POU6F2: variants seen among roughly 807,000 people sequenced by gnomAD.
POU6F2 encodes the protein POU domain, class 6, transcription factor 2.
In POU6F2, 31 loss-of-function variants were observed where a neutral mutation model predicts 71.3. The observed-to-expected ratio is 0.43, with a 90% CI of 0.33 to 0.59. The LOEUF is 0.59. POU6F2 is among the 20% of genes least tolerant of loss of function. The pLI is 0.04. For synonymous variants in POU6F2, 347 were observed against 355.7 expected (o/e 0.98, Z 0.27); for missense variants, 783 against 856.8 (o/e 0.91, Z 1.07).
In POU6F2 at chr7:39,209,819, A is replaced by G. The variant is rs1486449101; in HGVS notation, c.598+2199A>G. Among the ~76,000 whole-genome samples the G allele has an allele frequency of 2.6e-5, 4 of 152,216 alleles. No homozygotes were observed. The South Asian group carries it at 6.2e-4, about 24-fold the overall frequency. ...TGTGGAGCTTTCCAGGTTATGTTGC[A>G]GAAGCAGTGGGACTCGGGATGGTGA... On this transcript the variant is annotated intron_variant, in intron 4 of 9. Transcript: ENST00000518318.
intron 1 of POU6F2, among the ~76,000 whole-genome samples, chr7:39,045,384 TA>T (rs752848279): frequency 4.6e-5 from 7 of 151,872 alleles, no homozygotes; most frequent in African/African-American, 7.3e-5. Context: ...CAGCAAGTTA[TA>T]GCTCTTTATG....
chr7:39,327,486 G>A lies in POU6F2; in HGVS notation c.599-12156G>A, dbSNP rs185078294. Among the ~76,000 whole-genome samples the A allele has an allele frequency of 2.6e-5, 4 of 151,948 alleles. No individual in the cohort carries two copies. The East Asian group carries it at 7.7e-4, about 29-fold the overall frequency. On this transcript the variant is annotated intron_variant, in intron 4 of 9. Transcript: ENST00000518318. ...TTAGGGGTAAAGAAGAATATCAATA[G>A]GCAAACTAGGTATGGTGGTATATGC...
At chr7:39,218,873 A>C (rs1260904184) in intron 4 of POU6F2, among the ~76,000 whole-genome samples, 8 of 152,186 alleles carry the variant, frequency 5.3e-5, no homozygotes, top group Non-Finnish European at 1.2e-4. Flanking sequence ...GCCAGTTAGT[A>C]ATACCTAGAT....
At chr7:39,203,529 A>T (rs12536501) in intron 2 of POU6F2, among the ~76,000 whole-genome samples, 56,774 of 152,080 alleles carry the variant, frequency 0.37, 10,921 homozygotes, top group South Asian at 0.49. Context: ...AATGACCATG[A>T]TAAAAGGGTT....
intron 1 of POU6F2, among the ~76,000 whole-genome samples, chr7:39,002,355 T>C (rs887359583): frequency 3.3e-5 from 5 of 152,126 alleles, no homozygotes; most frequent in Non-Finnish European, 7.4e-5. Flanking sequence ...GTTGTTGTTG[T>C]TGTTGTTTTC....
At chr7:39,430,323 C>G (rs1377377356) in intron 6 of POU6F2, among the ~76,000 whole-genome samples, 1 of 152,204 alleles carries the variant, frequency 6.6e-6, no homozygotes, top group Non-Finnish European at 1.5e-5. Flanking sequence ...CTCCTGACCC[C>G]CCACCTCCAC....
Position 39,384,314 on chromosome 7 carries a change from G to A in POU6F2, c.973-22286G>A, listed in dbSNP as rs555720562. Among the ~76,000 whole-genome samples, 47 of 152,276 alleles carry A rather than the reference G, an allele frequency of 3.1e-4. 1 individual carries two copies. In the South Asian group the frequency reaches 9.3e-3, roughly 30 times the overall value. ...AACATGGCTGGGCTGTTTCCTTTTT[G>A]TAATAGCGGTGACAGATGACCGTTA... On this transcript the variant is annotated intron_variant, in intron 5 of 9. Coordinates refer to ENST00000518318, the MANE Select transcript of POU6F2 (RefSeq NM_001370959.1).
chr7:39,273,138 C>G (rs1784369399), intron 4 of POU6F2, among the ~76,000 whole-genome samples: 1 of 152,026 alleles, frequency 6.6e-6, no homozygotes, highest in African/African-American at 2.4e-5. Context: ...GGAAGAATTT[C>G]AAATAACATA....
chr7:39,207,443 G>A lies in POU6F2; in HGVS notation c.421G>A (p.Gly141Arg). ...TTCTGCTGTGGCCGGCGTGATGCCG[G>A]GAGGCCCCCCAGCCCTCAACCAGCC... The part of the protein sequence containing the change: ...LASAVAGVMP[G>R]GPPALNQPIL... The change falls in exon 4 of 10, where the codon GGA becomes AGA. Residue 141 changes from glycine to arginine, a missense_variant. Gly to Arg is a moderately radical substitution (Grantham distance 125). Coordinates refer to ENST00000518318, the MANE Select transcript of POU6F2 (RefSeq NM_001370959.1). 1 of 1,613,880 alleles carries A rather than the reference G, an allele frequency of 6.2e-7. No homozygotes were observed. Among genetic ancestry groups the A allele is most frequent in the Non-Finnish European group, 8.5e-7 (1 of 1,179,850 alleles).
chr7:39,276,851 A>G (rs1384705014), intron 4 of POU6F2, among the ~76,000 whole-genome samples: 1 of 148,728 alleles, frequency 6.7e-6, no homozygotes, highest in Non-Finnish European at 1.5e-5. Flanking sequence ...GAATTGAACA[A>G]TGAGAACACA....
At chr7:39,148,602 GTGA>G (rs1562723692) in intron 2 of POU6F2, among the ~76,000 whole-genome samples, 3 of 152,186 alleles carry the variant, frequency 2.0e-5, no homozygotes, top group East Asian at 1.9e-4. Flanking sequence ...GATAATGATG[GTGA>G]TGATGATAAT....
intron 2 of POU6F2, among the ~76,000 whole-genome samples, chr7:39,092,473 G>A (rs920877795): frequency 1.3e-5 from 2 of 152,040 alleles, no homozygotes; most frequent in Non-Finnish European, 2.9e-5. Context: ...AGCATAATTT[G>A]TTTTAATTTT....
intron 6 of POU6F2, among the ~76,000 whole-genome samples, chr7:39,414,019 C>A (rs1202381534): frequency 2.0e-5 from 3 of 152,206 alleles, no homozygotes; most frequent in Non-Finnish European, 4.4e-5. Context: ...TGGGACCCAC[C>A]CGCGGGCGGA....
At chr7:39,144,800 G>T (rs535764417) in intron 2 of POU6F2, among the ~76,000 whole-genome samples, 14 of 152,210 alleles carry the variant, frequency 9.2e-5, no homozygotes, top group African/African-American at 2.6e-4. Context: ...ATTGTCCAAG[G>T]GTATATTCTT....
At chr7:39,212,517 C>T (rs971111450) in intron 4 of POU6F2, among the ~76,000 whole-genome samples, 2 of 152,062 alleles carry the variant, frequency 1.3e-5, no homozygotes, top group African/African-American at 2.4e-5. Context: ...AGTTCTGTGC[C>T]CTCTCGTACC....
intron 4 of POU6F2, among the ~76,000 whole-genome samples, chr7:39,213,287 T>A (rs1380158629): frequency 6.6e-6 from 1 of 152,152 alleles, no homozygotes; most frequent in East Asian, 1.9e-4. Flanking sequence ...CCTGCCCCGG[T>A]TTTCTCTGAC....
chr7:39,403,676 G>T (rs1486075217), intron 5 of POU6F2, among the ~76,000 whole-genome samples: 1 of 152,154 alleles, frequency 6.6e-6, no homozygotes. Context: ...GATATGACTG[G>T]GGACAATACA....
chr7:39,352,193 C>T (rs749585635), intron 5 of POU6F2, among the ~76,000 whole-genome samples: 2 of 152,154 alleles, frequency 1.3e-5, no homozygotes, highest in African/African-American at 4.8e-5. Flanking sequence ...ACCAGTGCAG[C>T]GATTAAAGTG....
At chr7:39,369,852 T>C (rs1562805415) in intron 5 of POU6F2, among the ~76,000 whole-genome samples, 1 of 151,350 alleles carries the variant, frequency 6.6e-6, no homozygotes, top group Non-Finnish European at 1.5e-5. Flanking sequence ...CGCAGCATTT[T>C]TTTTTTTTTT....
Sources: allele counts gnomAD v4.1 joint callset (sites outside exome capture counted in the v4.1 genomes callset), GRCh38; gene constraint gnomAD v4.1.1; transcripts MANE v1.5; gene names NCBI Gene and HGNC (gene_info 2026-07-23, HGNC 2026-07-21).